RHBDD1: variants seen among roughly 807,000 people sequenced by gnomAD.
RHBDD1 encodes rhomboid-related protein 4.
RHBDD1 carries 38 observed loss-of-function variants against 36.3 expected under a neutral mutation model. The ratio of observed to expected loss-of-function variants is 1.05; its 90% CI spans 0.81 to 1.37. RHBDD1 has a LOEUF of 1.37. RHBDD1 is among the 40% of genes most tolerant of loss of function. The pLI is 0.00. For missense variants in RHBDD1, 393 were observed against 377.6 expected (o/e 1.04, Z -0.34); for synonymous variants, 151 against 136.5 (o/e 1.11, Z -0.74).
intron 5 of RHBDD1, among the ~76,000 whole-genome samples, chr2:226,894,932 G>A (rs1946974968): frequency 6.6e-6 from 1 of 152,172 alleles, no homozygotes; most frequent in African/African-American, 2.4e-5. Flanking sequence ...AGGAGCTGGG[G>A]GACATGGAGG....
chr2:226,818,140 G>A, the RHBDD1 span, among the ~76,000 whole-genome samples: 1 of 150,038 alleles, frequency 6.7e-6, no homozygotes, highest in African/African-American at 2.5e-5. Context: ...TCTTTTAAGT[G>A]GTCCAAACAG....
chr2:226,859,253 G>A (rs1263543133), intron 3 of RHBDD1, among the ~76,000 whole-genome samples: 3 of 152,198 alleles, frequency 2.0e-5, no homozygotes, highest in Admixed American at 6.5e-5. Context: ...TTTGGCGGGA[G>A]TGGGGTGGGA....
intron 8 of RHBDD1, among the ~76,000 whole-genome samples, chr2:226,931,936 CAAT>C (rs753375495): frequency 8.6e-5 from 13 of 152,038 alleles, no homozygotes; most frequent in East Asian, 7.7e-4. Context: ...ATCTTAACAA[CAAT>C]GAGTTTTTCA....
chr2:226,853,300 A>G (rs543116467), intron 3 of RHBDD1, among the ~76,000 whole-genome samples: 28 of 152,362 alleles, frequency 1.8e-4, no homozygotes, highest in African/African-American at 6.7e-4. Context: ...ACGAAGCAGA[A>G]CATTGAACTA....
intron 3 of RHBDD1, among the ~76,000 whole-genome samples, chr2:226,852,994 C>A (rs1302714730): frequency 2.7e-5 from 4 of 150,286 alleles, no homozygotes; most frequent in African/African-American, 9.7e-5. Flanking sequence ...GTCTTGAATT[C>A]CTGGCCTCAA....
At chr2:226,825,272 G>A in the RHBDD1 span, among the ~76,000 whole-genome samples, 1 of 151,740 alleles carries the variant, frequency 6.6e-6, no homozygotes, top group African/African-American at 2.4e-5. Flanking sequence ...ATTTTAGTTG[G>A]TTAAAAAAAA....
chr2:226,872,242 G>A (rs1490153317), intron 5 of RHBDD1, among the ~76,000 whole-genome samples: 1 of 152,108 alleles, frequency 6.6e-6, no homozygotes, highest in East Asian at 1.9e-4. Flanking sequence ...AATTTTAAAT[G>A]AGAAAGGGAA....
In RHBDD1 at chr2:226,997,598, C is replaced by G. The variant is rs1959750160; in HGVS notation, c.*2076C>G. 1 of 152,282 alleles carries G rather than the reference C, an allele frequency of 6.6e-6. No individual in the cohort carries two copies. The highest frequency in any genetic ancestry group is 1.9e-4 in the East Asian group (1 of 5,186). 9.4% of individuals were successfully genotyped at this position (152,282 alleles called of 1,614,324 possible). On this transcript the variant is annotated 3_prime_UTR_variant, in exon 9 of 9. Transcript: ENST00000392062. The stretch of plus-strand genomic sequence containing the variant: ...GTATTTTTTCCATTGTATTAAGAGT[C>G]CAGTCACTGTATATGGAAGTATTTT...
rs181135306 is a variant in RHBDD1, at chr2:226,971,811, C to A, written c.857-23620C>A. ...TTGAGATATGATTTTTTTTTTAATC[C>A]AAAGGTGGATCTTTGTGGCCTTTCT... On this transcript the variant is annotated intron_variant, in intron 8 of 8. Coordinates refer to ENST00000392062, the MANE Select transcript of RHBDD1 (RefSeq NM_001167608.3). Among the ~76,000 whole-genome samples the A allele has an allele frequency of 1.8e-4, 28 of 151,360 alleles. No individual in the cohort carries two copies. In the East Asian group the frequency reaches 5.1e-3, roughly 27 times the overall value.
chr2:226,990,485 G>C (rs1957939060), intron 8 of RHBDD1, among the ~76,000 whole-genome samples: 1 of 152,120 alleles, frequency 6.6e-6, no homozygotes, highest in Non-Finnish European at 1.5e-5. Context: ...TCACTGCATG[G>C]CATAGTGCGT....
the RHBDD1 span, among the ~76,000 whole-genome samples, chr2:226,819,244 C>G: frequency 2.6e-5 from 4 of 152,298 alleles, no homozygotes; most frequent in South Asian, 2.1e-4. Context: ...TGCTCCTGGG[C>G]AGAATCTGGG....
chr2:226,988,422 T>G (rs973616422), intron 8 of RHBDD1: 1 of 1,550,472 alleles, frequency 6.4e-7, no homozygotes, highest in African/African-American at 1.4e-5. Flanking sequence ...CTGGGAAGCC[T>G]GAAGCAGGCC....
intron 5 of RHBDD1, among the ~76,000 whole-genome samples, chr2:226,903,877 G>A (rs779228573): frequency 2.0e-5 from 3 of 152,126 alleles, no homozygotes; most frequent in East Asian, 1.9e-4. Context: ...GCAGAACGGC[G>A]CAACAGAGAG....
chr2:226,969,728 A>G (rs749004731), intron 8 of RHBDD1, among the ~76,000 whole-genome samples: 10 of 152,204 alleles, frequency 6.6e-5, no homozygotes, highest in Non-Finnish European at 1.5e-4. Context: ...TTCCTGAGTC[A>G]CTTATGCCTA....
At chr2:226,988,481 G>A (rs993252241) in intron 8 of RHBDD1, 18 of 1,543,496 alleles carry the variant, frequency 1.2e-5, no homozygotes, top group Non-Finnish European at 1.5e-5. Context: ...CCCTGTAGTG[G>A]AGTTGAGCAA....
intron 3 of RHBDD1, among the ~76,000 whole-genome samples, chr2:226,840,625 A>G (rs560400891): frequency 3.3e-5 from 5 of 152,200 alleles, no homozygotes; most frequent in Non-Finnish European, 7.3e-5. Flanking sequence ...CCAAGGCCAC[A>G]TACTAGTACA....
chr2:226,966,756 C>A (rs1436026492), intron 8 of RHBDD1, among the ~76,000 whole-genome samples: 2 of 152,122 alleles, frequency 1.3e-5, no homozygotes, highest in African/African-American at 4.8e-5. Flanking sequence ...ACCTCAAACT[C>A]CTGGACTCAA....
the RHBDD1 span, among the ~76,000 whole-genome samples, chr2:226,818,632 C>T: frequency 4.0e-5 from 6 of 151,386 alleles, no homozygotes; most frequent in African/African-American, 1.5e-4. Flanking sequence ...GAAGGTCAGG[C>T]GTTTGAAACC....
intron 8 of RHBDD1, among the ~76,000 whole-genome samples, chr2:226,962,271 T>C (rs1952259973): frequency 6.6e-6 from 1 of 152,234 alleles, no homozygotes; most frequent in Non-Finnish European, 1.5e-5. Flanking sequence ...CCAAGGCTCA[T>C]TGTGCAGTCA....
Sources: gnomAD v4.1 joint callset for allele counts (sites outside exome capture counted in the v4.1 genomes callset) on GRCh38, gnomAD v4.1.1 for gene constraint, MANE v1.5 for transcripts, NCBI Gene and HGNC (gene_info 2026-07-23, HGNC 2026-07-21) for gene names.